Variants in CELF2 observed in about 807,000 individuals in gnomAD.
CELF2 encodes the protein CUGBP Elav-like family member 2.
A neutral mutation model predicts 62.6 loss-of-function variants in CELF2; 8 were observed. The observed-to-expected ratio is 0.13, with a 90% CI of 0.07 to 0.23. The LOEUF (loss-of-function observed/expected upper bound fraction) is 0.23. Among genes scored for constraint, CELF2 ranks in the 10% least tolerant of loss-of-function variants. The probability of loss-of-function intolerance (pLI) is 1.00; values close to 1 mark genes in which losing one functional copy is unlikely to be tolerated. For missense variants in CELF2, 333 were observed against 671.0 expected (o/e 0.50, Z 5.56); for synonymous variants, 258 against 250.0 (o/e 1.03, Z -0.30).
At chr10:10,862,529 G>C (rs566080567) in intron 1 of CELF2, among the ~76,000 whole-genome samples, 2 of 152,294 alleles carry the variant, frequency 1.3e-5, no homozygotes, top group Admixed American at 6.5e-5. Context: ...CATTATAACA[G>C]AGTTAGGCAG....
intron 2 of CELF2, among the ~76,000 whole-genome samples, chr10:11,180,161 C>T (rs1392493897): frequency 6.6e-6 from 1 of 152,156 alleles, no homozygotes; most frequent in Non-Finnish European, 1.5e-5. Context: ...TGGTTCTGTG[C>T]GTTTCCTGGT....
At chr10:10,792,132 G>T in the CELF2 span, among the ~76,000 whole-genome samples, 1 of 150,864 alleles carries the variant, frequency 6.6e-6, no homozygotes, top group African/African-American at 2.4e-5. Context: ...GCCTTACCTA[G>T]TAGCCAAATC....
chr10:10,891,775 G>A (rs971930387), intron 1 of CELF2, among the ~76,000 whole-genome samples: 1 of 152,168 alleles, frequency 6.6e-6, no homozygotes, highest in African/African-American at 2.4e-5. Context: ...TCTGGTCTCA[G>A]TTCTGTCACT....
chr10:10,628,325 T>C, the CELF2 span, among the ~76,000 whole-genome samples: 1 of 152,116 alleles, frequency 6.6e-6, no homozygotes, highest in Non-Finnish European at 1.5e-5. Context: ...AAACTAAGCT[T>C]CTCCTATTCC....
the CELF2 span, among the ~76,000 whole-genome samples, chr10:10,711,344 T>C: frequency 6.6e-6 from 1 of 152,188 alleles, no homozygotes; most frequent in East Asian, 1.9e-4. Context: ...ATATTTGTAT[T>C]GTGTTTCTTA....
the CELF2 span, among the ~76,000 whole-genome samples, chr10:10,522,114 A>G: frequency 1.3e-5 from 2 of 152,186 alleles, no homozygotes; most frequent in Non-Finnish European, 2.9e-5. Context: ...CATGGCAAAT[A>G]TTTCTAAATA....
rs1489110728 is a variant in CELF2 at position 11,057,350 on chromosome 10, G to A, written c.74+39187G>A. The stretch of plus-strand genomic sequence containing the variant: ...TGCTTTTGCTCTACTAGCATGACCC[G>A]TGCCAGAGGAAACAGTGATTTTAAG... On this transcript the variant is annotated intron_variant, in intron 1 of 12. Transcript: ENST00000633077. Among the ~76,000 whole-genome samples, 4 of 152,186 alleles carry A rather than the reference G, an allele frequency of 2.6e-5. No individual in the cohort carries two copies. In the South Asian group the frequency reaches 6.2e-4, roughly 24 times the overall value.
At chr10:10,462,615 CT>C in the CELF2 span, among the ~76,000 whole-genome samples, 1,519 of 69,420 alleles carry the variant, frequency 0.022, 8 homozygotes, top group African/African-American at 0.057. Context: ...TTTTTTTCAT[CT>C]TTTTTTTTTT....
At chr10:10,835,738 G>GCATGC (rs1228044359) in intron 1 of CELF2, among the ~76,000 whole-genome samples, 3 of 152,138 alleles carry the variant, frequency 2.0e-5, no homozygotes, top group Non-Finnish European at 2.9e-5. Context: ...CTCTGAGTTT[G>GCATGC]CATGCCACGG....
chr10:10,569,814 AGATGCTGCCAC>A, the CELF2 span, among the ~76,000 whole-genome samples: 1 of 152,190 alleles, frequency 6.6e-6, no homozygotes, highest in East Asian at 1.9e-4. Flanking sequence ...TTAGACTGCT[AGATGCTGCCAC>A]AGTCATGGAA....
chr10:10,819,225 G>C (rs970468405), intron 1 of CELF2, among the ~76,000 whole-genome samples: 3 of 152,020 alleles, frequency 2.0e-5, no homozygotes, highest in African/African-American at 7.3e-5. Flanking sequence ...GCTTTAATGG[G>C]GTTTTAGTTA....
chr10:11,171,293 G>GT (rs2068783051), intron 2 of CELF2: 1 of 152,194 alleles, frequency 6.6e-6, no homozygotes, highest in Non-Finnish European at 1.5e-5. Context: ...TTTTGTGTGG[G>GT]TTAGATGCTC....
At chr10:10,633,690 G>C in the CELF2 span, among the ~76,000 whole-genome samples, 99 of 125,780 alleles carry the variant, frequency 7.9e-4, no homozygotes, top group African/African-American at 2.7e-3. Flanking sequence ...TTTGTACTTT[G>C]AGATTATTGA....
At chr10:10,657,164 A>T in the CELF2 span, among the ~76,000 whole-genome samples, 2 of 152,172 alleles carry the variant, frequency 1.3e-5, no homozygotes, top group Non-Finnish European at 2.9e-5. Context: ...CAAAAGGCCA[A>T]ATAATGCATA....
intron 1 of CELF2, among the ~76,000 whole-genome samples, chr10:11,054,351 A>G (rs2064674610): frequency 6.6e-6 from 1 of 152,162 alleles, no homozygotes; most frequent in African/African-American, 2.4e-5. Flanking sequence ...GGCGGTTGAT[A>G]TTTATGGCAA....
chr10:10,711,104 G>A, the CELF2 span, among the ~76,000 whole-genome samples: 1 of 152,128 alleles, frequency 6.6e-6, no homozygotes, highest in East Asian at 1.9e-4. Flanking sequence ...CCTTCTGGAT[G>A]CAACAGCAGC....
the CELF2 span, among the ~76,000 whole-genome samples, chr10:10,484,343 G>T: frequency 3.1e-5 from 2 of 64,346 alleles, no homozygotes; most frequent in African/African-American, 6.9e-5. Context: ...TCTCACTCTC[G>T]TCTCACTCTG....
intron 1 of CELF2, among the ~76,000 whole-genome samples, chr10:10,871,401 C>A (rs899306157): frequency 2.0e-5 from 3 of 152,132 alleles, no homozygotes; most frequent in Admixed American, 1.3e-4. Flanking sequence ...TAGAAGATTT[C>A]TTTTTTAAAG....
intron 2 of CELF2, among the ~76,000 whole-genome samples, chr10:10,984,858 G>A (rs576117094): frequency 6.6e-6 from 1 of 152,228 alleles, no homozygotes; most frequent in South Asian, 2.1e-4. Context: ...TGGACTAAAT[G>A]TTTGTCCTTA....
Sources: allele counts gnomAD v4.1 joint callset (sites outside exome capture counted in the v4.1 genomes callset), GRCh38; gene constraint gnomAD v4.1.1; transcripts MANE v1.5; gene names NCBI Gene and HGNC (gene_info 2026-07-23, HGNC 2026-07-21).